The following CTDSPL2 variants were observed in gnomAD, a reference collection of about 807,000 sequenced individuals.
The protein encoded by CTDSPL2 is CTD small phosphatase-like protein 2.
In CTDSPL2, 5 loss-of-function variants were observed where a neutral mutation model predicts 60.0. The observed-to-expected ratio is 0.08, with a 90% CI of 0.04 to 0.18. The LOEUF (loss-of-function observed/expected upper bound fraction) is 0.18. Among genes scored for constraint, CTDSPL2 ranks in the 10% least tolerant of loss-of-function variants. The pLI is 1.00. For synonymous variants in CTDSPL2, 186 were observed against 189.3 expected (o/e 0.98, Z 0.14); for missense variants, 370 against 548.8 (o/e 0.67, Z 3.26).
At chr15:44,465,777 A>G (rs1195265887) in intron 2 of CTDSPL2, among the ~76,000 whole-genome samples, 1 of 143,088 alleles carries the variant, frequency 7.0e-6, no homozygotes, top group Non-Finnish European at 1.5e-5. Context: ...GCAGTGGTAC[A>G]ATCTGGGCTC....
At chr15:44,433,441 G>A (rs60003667) in intron 1 of CTDSPL2, among the ~76,000 whole-genome samples, 15,035 of 145,814 alleles carry the variant, frequency 0.1, 1,544 homozygotes, top group African/African-American at 0.26. Context: ...GGATTTAAAT[G>A]TTTTATATAC....
chr15:44,481,181 A>C (rs1432892128), intron 2 of CTDSPL2, among the ~76,000 whole-genome samples: 1 of 152,206 alleles, frequency 6.6e-6, no homozygotes, highest in Non-Finnish European at 1.5e-5. Context: ...ACTGGGGGGA[A>C]ATAAAAGGAT....
chr15:44,470,097 C>CAAA (rs886463524), intron 2 of CTDSPL2, among the ~76,000 whole-genome samples: 8 of 54,148 alleles, frequency 1.5e-4, no homozygotes, highest in East Asian at 5.2e-4. Context: ...GACTCTGTCT[C>CAAA]AAAAAAAAAA....
At chr15:44,468,119 T>C (rs1465828085) in intron 2 of CTDSPL2, among the ~76,000 whole-genome samples, 1 of 152,164 alleles carries the variant, frequency 6.6e-6, no homozygotes, top group East Asian at 1.9e-4. Flanking sequence ...CGATTGGTGT[T>C]ATTTCATTCT....
chr15:44,518,239 A>G (rs1011430111), intron 10 of CTDSPL2, among the ~76,000 whole-genome samples: 1 of 152,228 alleles, frequency 6.6e-6, no homozygotes, highest in Non-Finnish European at 1.5e-5. Flanking sequence ...CAACTTACCA[A>G]TTATTAATAT....
At chr15:44,436,551 G>A (rs1471467264) in intron 1 of CTDSPL2, among the ~76,000 whole-genome samples, 1 of 152,150 alleles carries the variant, frequency 6.6e-6, no homozygotes, top group East Asian at 1.9e-4. Context: ...GAAACAAAGT[G>A]CTAGAATGAT....
At chr15:44,457,395 T>G (rs1475986529) in intron 1 of CTDSPL2, among the ~76,000 whole-genome samples, 2 of 152,240 alleles carry the variant, frequency 1.3e-5, no homozygotes, top group African/African-American at 4.8e-5. Context: ...GGAGACAGCT[T>G]CTTTCCTTAA....
chr15:44,481,836 G>A (rs567316594), intron 2 of CTDSPL2, among the ~76,000 whole-genome samples: 5 of 152,276 alleles, frequency 3.3e-5, no homozygotes, highest in African/African-American at 1.2e-4. Context: ...GCCTCCCAAA[G>A]TGCTGGGATT....
intron 12 of CTDSPL2, 127 bp downstream of exon 12, chr15:44,521,533 C>T (rs1478239394): frequency 2.2e-5 from 11 of 505,454 alleles, no homozygotes; most frequent in Middle Eastern, 5.5e-4. Flanking sequence ...GTCACAGGTG[C>T]CATCATAGGC....
intron 8 of CTDSPL2, among the ~76,000 whole-genome samples, chr15:44,503,135 C>T (rs1039180364): frequency 6.6e-6 from 1 of 151,990 alleles, no homozygotes; most frequent in Admixed American, 6.6e-5. Flanking sequence ...TTTGAAAGAA[C>T]CGACTTGTTA....
At chr15:44,521,965 ATGATG>A (rs2081785447) in intron 12 of CTDSPL2, among the ~76,000 whole-genome samples, 1 of 131,336 alleles carries the variant, frequency 7.6e-6, no homozygotes, top group African/African-American at 2.8e-5. Flanking sequence ...AAAAAAAAAC[ATGATG>A]ATGATGATGA....
chr15:44,505,720 C>G (rs963382805), intron 8 of CTDSPL2, among the ~76,000 whole-genome samples: 2 of 144,126 alleles, frequency 1.4e-5, no homozygotes, highest in Non-Finnish European at 1.5e-5. Flanking sequence ...GGCAACAGAG[C>G]GAGACTCTGT....
intron 2 of CTDSPL2, among the ~76,000 whole-genome samples, chr15:44,480,302 G>A (rs1206848374): frequency 6.6e-6 from 1 of 152,048 alleles, no homozygotes; most frequent in African/African-American, 2.4e-5. Flanking sequence ...TTAGGTATTT[G>A]GGGCTTCTTT....
In CTDSPL2 at chr15:44,526,306, A is replaced by G. The variant is rs954555445; in HGVS notation, c.*2132A>G. ...TTTCAGCATGCATTCTGATTGCTGA[A>G]AGATTTCCTGATTTAGTGCATTCTC... On this transcript the variant is annotated 3_prime_UTR_variant, in exon 13 of 13. Coordinates refer to ENST00000260327, the MANE Select transcript of CTDSPL2 (RefSeq NM_016396.3). 1 of 152,140 alleles carries G rather than the reference A, an allele frequency of 6.6e-6. No homozygotes were observed. Among genetic ancestry groups the G allele is most frequent in the African/African-American group, 2.4e-5 (1 of 41,450 alleles). 9.4% of individuals were successfully genotyped at this position (152,140 alleles called of 1,614,324 possible).
chr15:44,508,227 C>T (rs575810172), intron 8 of CTDSPL2, among the ~76,000 whole-genome samples: 4 of 152,032 alleles, frequency 2.6e-5, no homozygotes, highest in African/African-American at 4.8e-5. Context: ...GGACTACGGG[C>T]GAGTGCCACC....
intron 4 of CTDSPL2, 127 bp downstream of exon 4, chr15:44,486,827 T>A: frequency 1.6e-6 from 1 of 613,870 alleles, no homozygotes; most frequent in East Asian, 3.3e-5. Flanking sequence ...AGTGACGCGA[T>A]CTCCCCGCTC....
chr15:44,512,210 A>G (rs2081579582), intron 8 of CTDSPL2, among the ~76,000 whole-genome samples: 1 of 152,120 alleles, frequency 6.6e-6, no homozygotes, highest in Non-Finnish European at 1.5e-5. Context: ...AAAAAAACAA[A>G]AACAGCCTGA....
chr15:44,468,721 C>T (rs1269633251), intron 2 of CTDSPL2, among the ~76,000 whole-genome samples: 1 of 152,176 alleles, frequency 6.6e-6, no homozygotes, highest in Non-Finnish European at 1.5e-5. Context: ...GACACGGGTA[C>T]AGTAGTTCCC....
rs186521845 is a variant in CTDSPL2, at chr15:44,433,080, T to A, written c.-25+5308T>A. Among the ~76,000 whole-genome samples the A allele has an allele frequency of 2.9e-3, 447 of 151,892 alleles. 3 individuals carry two copies. The highest frequency in any genetic ancestry group is 0.01 in the African/African-American group (425 of 41,478). On this transcript the variant is annotated intron_variant, in intron 1 of 12. Coordinates refer to ENST00000260327, the MANE Select transcript of CTDSPL2 (RefSeq NM_016396.3). ...ATTGTAATCCCAGCACTTGGGAGGC[T>A]GAGGCAGGCGGATCCCCTGAGCTTA...
Sources: allele counts gnomAD v4.1 joint callset (sites outside exome capture counted in the v4.1 genomes callset), GRCh38; gene constraint gnomAD v4.1.1; transcripts MANE v1.5; gene names NCBI Gene and HGNC (gene_info 2026-07-23, HGNC 2026-07-21).